RFX3: variants seen among roughly 807,000 people sequenced by gnomAD.
RFX3 encodes transcription factor RFX3.
A neutral mutation model predicts 98.6 loss-of-function variants in RFX3; 14 were observed. The observed-to-expected ratio is 0.14, with a 90% CI of 0.09 to 0.22. The LOEUF is 0.22. Ranked by LOEUF, RFX3 falls within the 10% of genes least tolerant of loss-of-function variation. The pLI, the probability that RFX3 is intolerant of heterozygous loss-of-function variation, is 1.00. For missense variants in RFX3, 639 were observed against 926.9 expected (o/e 0.69, Z 4.03); for synonymous variants, 383 against 328.4 (o/e 1.17, Z -1.80).
chr9:3,339,873 G>A (rs1349661374), intron 3 of RFX3, among the ~76,000 whole-genome samples: 9 of 152,026 alleles, frequency 5.9e-5, no homozygotes, highest in Non-Finnish European at 1.2e-4. Context: ...AGCTACCGAT[G>A]ACTTTCTTCA....
chr9:3,290,398 C>T (rs867794742), intron 6 of RFX3, among the ~76,000 whole-genome samples: 2 of 152,082 alleles, frequency 1.3e-5, no homozygotes, highest in South Asian at 2.1e-4. Context: ...TTGAATGGAG[C>T]CTCAAAATAG....
intron 15 of RFX3, among the ~76,000 whole-genome samples, chr9:3,233,786 G>A (rs1214045180): frequency 6.6e-6 from 1 of 152,038 alleles, no homozygotes; most frequent in Admixed American, 6.6e-5. Flanking sequence ...TGTTAATTTG[G>A]ATCTTTCCAA....
At chr9:3,371,421 A>C (rs779810895) in intron 2 of RFX3, among the ~76,000 whole-genome samples, 6 of 152,214 alleles carry the variant, frequency 3.9e-5, no homozygotes, top group Non-Finnish European at 7.4e-5. Context: ...GCTCTAAAAT[A>C]TATTACAATA....
intron 1 of RFX3, among the ~76,000 whole-genome samples, chr9:3,425,979 T>C (rs955836536): frequency 1.3e-5 from 2 of 152,188 alleles, no homozygotes; most frequent in Non-Finnish European, 2.9e-5. Flanking sequence ...TTCACTTAGC[T>C]TTTCATACAC....
chr9:3,241,224 GTTTT>G (rs34401123), intron 15 of RFX3, among the ~76,000 whole-genome samples: 1 of 132,644 alleles, frequency 7.5e-6, no homozygotes, highest in African/African-American at 2.7e-5. Flanking sequence ...GGAGTTTTTT[GTTTT>G]TTTTTTTTTT....
At chr9:3,294,114 A>T (rs1827719553) in intron 5 of RFX3, among the ~76,000 whole-genome samples, 1 of 152,194 alleles carries the variant, frequency 6.6e-6, no homozygotes, top group Admixed American at 6.6e-5. Context: ...TATATTATTG[A>T]ATTTTAACAT....
chr9:3,489,690 A>G (rs770104225), intron 1 of RFX3, among the ~76,000 whole-genome samples: 2 of 152,206 alleles, frequency 1.3e-5, no homozygotes, highest in Non-Finnish European at 2.9e-5. Context: ...ATATACACTT[A>G]TTTGACTGCC....
At chr9:3,281,477 T>C (rs1327345098) in intron 7 of RFX3, among the ~76,000 whole-genome samples, 1 of 151,738 alleles carries the variant, frequency 6.6e-6, no homozygotes, top group African/African-American at 2.4e-5. Context: ...TAATTATTTT[T>C]AGATTTGGTT....
intron 2 of RFX3, among the ~76,000 whole-genome samples, chr9:3,363,821 T>G (rs1475049300): frequency 2.6e-5 from 4 of 152,224 alleles, no homozygotes; most frequent in African/African-American, 9.7e-5. Flanking sequence ...GGAATAATGA[T>G]ATTGGTAGTA....
intron 1 of RFX3, among the ~76,000 whole-genome samples, chr9:3,395,957 T>C (rs1162685137): frequency 6.6e-6 from 1 of 152,124 alleles, no homozygotes; most frequent in Non-Finnish European, 1.5e-5. Flanking sequence ...AAACCCTACC[T>C]GGATGTAAGT....
chr9:3,430,393 T>C (rs566456632), intron 1 of RFX3, among the ~76,000 whole-genome samples: 7 of 152,270 alleles, frequency 4.6e-5, no homozygotes, highest in Admixed American at 4.6e-4. Context: ...CAAAACACTT[T>C]TGCTTTAATT....
intron 3 of RFX3, 88 bp from the exon 4 acceptor site, chr9:3,330,605 T>C (rs1832479427): frequency 1.6e-6 from 2 of 1,275,142 alleles, no homozygotes; most frequent in South Asian, 1.5e-5. Context: ...TTGAAATATA[T>C]TGGTTGGCTT....
intron 6 of RFX3, among the ~76,000 whole-genome samples, chr9:3,291,174 G>C (rs374197606): frequency 2.0e-4 from 30 of 152,184 alleles, no homozygotes; most frequent in African/African-American, 7.0e-4. Context: ...AGACCAGCCT[G>C]GCCAACATGG....
At chr9:3,293,826 C>T (rs1408415324) in intron 5 of RFX3, among the ~76,000 whole-genome samples, 1 of 152,116 alleles carries the variant, frequency 6.6e-6, no homozygotes, top group Non-Finnish European at 1.5e-5. Context: ...AGACAAAATT[C>T]AGTCGTTTCT....
intron 1 of RFX3, among the ~76,000 whole-genome samples, chr9:3,474,502 C>T (rs982767981): frequency 1.3e-5 from 2 of 152,084 alleles, no homozygotes; most frequent in Admixed American, 6.5e-5. Flanking sequence ...AAGACTTCCC[C>T]GAAACACAAA....
chr9:3,224,119 A>G lies in RFX3; in HGVS notation c.*923T>C, dbSNP rs1817523910. The G allele has an allele frequency of 6.6e-6, 1 of 152,150 alleles. No individual in the cohort carries two copies. Among genetic ancestry groups the G allele is most frequent in the African/African-American group, 2.4e-5 (1 of 41,434 alleles). 9.4% of individuals were successfully genotyped at this position (152,150 alleles called of 1,614,324 possible). On this transcript the variant is annotated 3_prime_UTR_variant, in exon 17 of 17. Transcript: ENST00000617270. ...ACCTGGAATAAAAGAAAGTCATCCA[A>G]ATGGAATGGTTTCCTGTATGTCCAG... is the stretch of plus-strand genomic sequence containing the variant.
chr9:3,288,030 A>C, intron 7 of RFX3, 101 bp downstream of exon 7: 3 of 1,081,030 alleles, frequency 2.8e-6, no homozygotes, highest in Non-Finnish European at 4.0e-6. Context: ...GCCAACAATA[A>C]GAACGTTCTT....
chr9:3,320,083 C>A (rs1436110404), intron 4 of RFX3, among the ~76,000 whole-genome samples: 3 of 152,122 alleles, frequency 2.0e-5, no homozygotes, highest in Non-Finnish European at 2.9e-5. Context: ...ATACTGGGCA[C>A]ATAAAGGATT....
intron 1 of RFX3, among the ~76,000 whole-genome samples, chr9:3,411,571 G>A (rs1449918038): frequency 6.6e-6 from 1 of 151,650 alleles, no homozygotes; most frequent in Admixed American, 6.6e-5. Flanking sequence ...CGCCTCCTGG[G>A]TTCAAGTGAT....
Sources: allele counts gnomAD v4.1 joint callset (sites outside exome capture counted in the v4.1 genomes callset), GRCh38; gene constraint gnomAD v4.1.1; transcripts MANE v1.5; gene names NCBI Gene and HGNC (gene_info 2026-07-23, HGNC 2026-07-21).